Variants in CAPN2 observed in about 807,000 individuals in gnomAD.
The protein encoded by CAPN2 is calpain 2.
Under a neutral mutation model 102.3 loss-of-function variants are expected in CAPN2, and 92 were observed. The ratio of observed to expected loss-of-function variants is 0.90; its 90% CI spans 0.76 to 1.07. The LOEUF is 1.07. Ranked by LOEUF, CAPN2 falls within the 50% of genes least tolerant of loss-of-function variation. The pLI is 0.00. For missense variants in CAPN2, 800 were observed against 909.4 expected (o/e 0.88, Z 1.55); for synonymous variants, 340 against 355.4 (o/e 0.96, Z 0.49).
rs572472240 is a variant in CAPN2, at chr1:223,752,100, C to T, written c.974+29C>T. On this transcript the variant is annotated intron_variant, in intron 8 of 20. Transcript: ENST00000295006. ...AGATTAGTGGAGGCTTCAGGGAAAG[C>T]TCTGTCTGCCCCAATGTTCTTTACT... The T allele has an allele frequency of 6.2e-6, 9 of 1,463,250 alleles. No individual in the cohort carries two copies. The East Asian group carries it at 1.8e-4, about 29-fold the overall frequency. The allele number at this position is 1,463,250 out of a possible 1,614,324, so 90.6% of individuals were successfully genotyped here.
chr1:223,715,455 G>A (rs941129624), intron 1 of CAPN2, among the ~76,000 whole-genome samples: 3 of 152,164 alleles, frequency 2.0e-5, no homozygotes, highest in African/African-American at 7.2e-5. Context: ...GGAGGGGGCA[G>A]TGAAACAGGA....
intron 1 of CAPN2, among the ~76,000 whole-genome samples, chr1:223,707,256 TTCTC>T (rs35633999): frequency 1.6e-3 from 239 of 148,110 alleles, no homozygotes; most frequent in African/African-American, 5.7e-3. Flanking sequence ...CTCTCTCTTC[TTCTC>T]TCTCTCTCTC....
rs1305891664 is a variant in CAPN2, at chr1:223,756,612, G to A, written c.1306-757G>A. On this transcript the variant is annotated intron_variant, in intron 10 of 20. Coordinates refer to ENST00000295006, the MANE Select transcript of CAPN2 (RefSeq NM_001748.5). This position sits in a 1 kb window ranked among gnomAD's most constrained non-coding sequence, Gnocchi z 4.1. ...GGAGAATCCAGACGAGGTGTCAGGA[G>A]AGGAGGCTCTGTGCTCACCACTGGC... 6.6e-6 allele frequency among the ~76,000 whole-genome samples: 1 copy of A among 152,202 alleles called. No individual in the cohort carries two copies. Among genetic ancestry groups the A allele is most frequent in the African/African-American group, 2.4e-5 (1 of 41,458 alleles).
chr1:223,741,815 T>G (rs1660625123), intron 2 of CAPN2, among the ~76,000 whole-genome samples: 1 of 151,948 alleles, frequency 6.6e-6, no homozygotes. Flanking sequence ...CTCACTCTGT[T>G]GCCCAGGCTG....
At chr1:223,722,254 T>C (rs1190956400) in intron 2 of CAPN2, among the ~76,000 whole-genome samples, 1 of 151,560 alleles carries the variant, frequency 6.6e-6, no homozygotes, top group Non-Finnish European at 1.5e-5. Context: ...TTTTTATTTC[T>C]TTTCCTTTCT....
chr1:223,709,716 T>A (rs912248518), upstream of CAPN2, among the ~76,000 whole-genome samples: 2 of 151,604 alleles, frequency 1.3e-5, no homozygotes, highest in African/African-American at 4.9e-5. Flanking sequence ...TGGTGGATGT[T>A]ATAACTGGTT....
rs1660722432 is a variant in CAPN2, at chr1:223,745,183, C to T, written c.427-123C>T. On this transcript the variant is annotated intron_variant, in intron 3 of 20. Coordinates refer to ENST00000295006, the MANE Select transcript of CAPN2 (RefSeq NM_001748.5). ...TAGGAGAGTTAAGGGAGCACCTCCT[C>T]CCAGGATGCGCTCATGGAACCTATC... 3.1e-6 allele frequency: 4 copies of T among 1,294,734 alleles called. No homozygotes were observed. In the African/African-American group the frequency reaches 4.4e-5, roughly 14 times the overall value. 80.2% of individuals were successfully genotyped at this position (1,294,734 alleles called of 1,614,324 possible).
chr1:223,759,071 T>C lies in CAPN2; in HGVS notation c.1318-199T>C. 1.7e-6 allele frequency: 1 copy of C among 603,716 alleles called. No individual in the cohort carries two copies. The highest frequency in any genetic ancestry group is 2.8e-5 in the East Asian group (1 of 35,836). 37.4% of individuals were successfully genotyped at this position (603,716 alleles called of 1,614,324 possible). A position where few individuals can be genotyped will look rare whatever the true frequency, so the allele number is the denominator to read the frequency against. On this transcript the variant is annotated intron_variant, in intron 11 of 20. Transcript: ENST00000295006. The surrounding 1 kb of genome is among the most constrained non-coding windows in gnomAD (Gnocchi z 4.6). Reference sequence around the variant, plus strand: ...TTAAAAAAATTTTGTTGTTTTGTTGTTGTTGTCGTCGTTATATAGATGAGG... The same window carrying C: ...TTAAAAAAATTTTGTTGTTTTGTTGCTGTTGTCGTCGTTATATAGATGAGG...
intron 2 of CAPN2, among the ~76,000 whole-genome samples, chr1:223,733,041 C>T (rs1168014941): frequency 3.3e-5 from 5 of 152,160 alleles, no homozygotes; most frequent in Non-Finnish European, 7.4e-5. Flanking sequence ...TTTTACTTCA[C>T]CAAGCGCAAT....
chr1:223,737,757 A>G (rs1660502709), intron 2 of CAPN2, among the ~76,000 whole-genome samples: 1 of 151,214 alleles, frequency 6.6e-6, no homozygotes, highest in Non-Finnish European at 1.5e-5. Flanking sequence ...GTAAAGAAAA[A>G]CAGTCAGTTC....
At chr1:223,708,506 C>T (rs934728427), upstream of CAPN2, among the ~76,000 whole-genome samples, 2 of 151,940 alleles carry the variant, frequency 1.3e-5, no homozygotes, top group Non-Finnish European at 1.5e-5. Flanking sequence ...CAGTGGCTCA[C>T]ACCTGTAATC....
Position 223,745,304 on chromosome 1 carries a change from A to G in CAPN2, c.427-2A>G. On this transcript the variant is annotated splice_acceptor_variant, in intron 3 of 20. Transcript: ENST00000295006. LOFTEE classifies it high-confidence loss of function. ...CTGCAGCCCACCTCTCTTGTTCTGC[A>G]GTTCTGGCAATACGGCGAGTGGGTG... The G allele has an allele frequency of 6.2e-7, 1 of 1,614,142 alleles. No homozygotes were observed. Among genetic ancestry groups the G allele is most frequent in the Non-Finnish European group, 8.5e-7 (1 of 1,180,014 alleles).
At chr1:223,703,954 A>G (rs1490113397) in intron 1 of CAPN2, among the ~76,000 whole-genome samples, 1 of 152,212 alleles carries the variant, frequency 6.6e-6, no homozygotes, top group Non-Finnish European at 1.5e-5. Context: ...AGACCCTCTC[A>G]TGAACATCTC....
intron 2 of CAPN2, among the ~76,000 whole-genome samples, chr1:223,720,315 C>CTCTCTTTTTTTTT (rs564518898): frequency 7.4e-5 from 8 of 107,490 alleles, no homozygotes; most frequent in African/African-American, 2.6e-4. Context: ...CTCTTTCTCT[C>CTCTCTTTTTTTTT]TTTTTTTTTT....
At chr1:223,748,097 T>C (rs577432744) in intron 5 of CAPN2, among the ~76,000 whole-genome samples, 42 of 152,314 alleles carry the variant, frequency 2.8e-4, no homozygotes, top group Non-Finnish European at 4.9e-4. Flanking sequence ...TCTGCAGTGC[T>C]GTGCAGCCTT....
intron 12 of CAPN2, among the ~76,000 whole-genome samples, chr1:223,760,549 A>G (rs1046581781): frequency 6.6e-6 from 1 of 152,146 alleles, no homozygotes; most frequent in African/African-American, 2.4e-5. Flanking sequence ...ACCATGGGGG[A>G]AGGGACCTTT....
At chr1:223,768,396 G>A (rs375620372) in intron 16 of CAPN2, among the ~76,000 whole-genome samples, 1 of 150,002 alleles carries the variant, frequency 6.7e-6, no homozygotes, top group East Asian at 2.0e-4. Flanking sequence ...TCCAGTTTCA[G>A]CTTTCTACAT....
chr1:223,727,448 G>A lies in CAPN2; in HGVS notation c.307+9617G>A, dbSNP rs569665869. Among the ~76,000 whole-genome samples, 5 of 152,256 alleles carry A rather than the reference G, an allele frequency of 3.3e-5. No individual in the cohort carries two copies. Among genetic ancestry groups the A allele is most frequent in the East Asian group, 1.9e-4 (1 of 5,174 alleles). On this transcript the variant is annotated intron_variant, in intron 2 of 20. Transcript: ENST00000295006. This position sits in a 1 kb window ranked among gnomAD's most constrained non-coding sequence, Gnocchi z 4.1. ...GCCAAATGTCCCCTGGGGGCTTGGC[G>A]GAGTTGGGGGGTGCATGGAATGCCC...
chr1:223,771,485 G>T (rs189419855), intron 18 of CAPN2: 19 of 249,010 alleles, frequency 7.6e-5, no homozygotes, highest in African/African-American at 3.9e-4. Flanking sequence ...TCTTCAAGAC[G>T]ATTGAGAGCT....
Sources: allele counts gnomAD v4.1 joint callset (sites outside exome capture counted in the v4.1 genomes callset), GRCh38; gene constraint gnomAD v4.1.1; non-coding constraint Gnocchi (gnomAD v3.1); transcripts MANE v1.5; gene names NCBI Gene and HGNC (gene_info 2026-07-23, HGNC 2026-07-21).